The following LHFPL6 variants were observed in gnomAD, a reference collection of about 807,000 sequenced individuals.
LHFPL6 encodes the protein LHFPL tetraspan subfamily member 6 protein.
In LHFPL6, 9 loss-of-function variants were observed where a neutral mutation model predicts 20.6. The ratio of observed to expected loss-of-function variants is 0.44; its 90% CI spans 0.26 to 0.76. LHFPL6 has a LOEUF of 0.76. Ranked by LOEUF, LHFPL6 falls within the 30% of genes least tolerant of loss-of-function variation. The pLI is 0.20. For missense variants in LHFPL6, 218 were observed against 253.5 expected (o/e 0.86, Z 0.95); for synonymous variants, 105 against 98.7 (o/e 1.06, Z -0.38).
At chr13:39,460,374 G>T (rs1368820119) in intron 2 of LHFPL6, among the ~76,000 whole-genome samples, 1 of 152,104 alleles carries the variant, frequency 6.6e-6, no homozygotes, top group African/African-American at 2.4e-5. Context: ...CAAGAACCAT[G>T]GTGGAAATGG....
At chr13:39,598,854 G>A (rs1872847180) in intron 2 of LHFPL6, among the ~76,000 whole-genome samples, 1 of 152,034 alleles carries the variant, frequency 6.6e-6, no homozygotes, top group Non-Finnish European at 1.5e-5. Flanking sequence ...ACCGCACCCG[G>A]CCAGCTGCTA....
chr13:39,431,871 A>AT (rs911851934), intron 2 of LHFPL6, among the ~76,000 whole-genome samples: 3 of 149,346 alleles, frequency 2.0e-5, no homozygotes, highest in South Asian at 2.1e-4. Flanking sequence ...AATCCCTCCC[A>AT]TTTTTTTTTC....
chr13:39,444,789 T>C (rs1285104844), intron 2 of LHFPL6, among the ~76,000 whole-genome samples: 2 of 152,206 alleles, frequency 1.3e-5, no homozygotes, highest in Non-Finnish European at 2.9e-5. Context: ...CAAAGACTTG[T>C]CACAGGGGTG....
intron 2 of LHFPL6, among the ~76,000 whole-genome samples, chr13:39,424,339 C>T (rs915680074): frequency 6.6e-6 from 1 of 151,782 alleles, no homozygotes; most frequent in Non-Finnish European, 1.5e-5. Flanking sequence ...AAAGGAATCA[C>T]ACAATAAAGG....
rs537824234 is a variant in LHFPL6, at chr13:39,491,198, T to C, written c.385+109634A>G. Among the ~76,000 whole-genome samples, 424 of 152,198 alleles carry C rather than the reference T, an allele frequency of 2.8e-3. 1 individual carries two copies. Among genetic ancestry groups the C allele is most frequent in the African/African-American group, 9.8e-3 (405 of 41,522 alleles). On this transcript the variant is annotated intron_variant, in intron 2 of 3. Transcript: ENST00000379589. ...CATAAGGTTTACAAATTTGGAGCCA[T>C]TTACAAGGAGGAGGAAGGGGTAACT...
Position 39,389,076 on chromosome 13 carries a change from T to A in LHFPL6, c.386-10550A>T, listed in dbSNP as rs545390121. Among the ~76,000 whole-genome samples the A allele has an allele frequency of 2.0e-5, 3 of 152,304 alleles. No homozygotes were observed. In the South Asian group the frequency reaches 6.2e-4, roughly 32 times the overall value. Reference sequence around the variant, plus strand: ...TGGAGAAGAGACTCCTGCAATACACTATCTCCTGCAAAAACTGGAGCAGAT... The same window carrying A: ...TGGAGAAGAGACTCCTGCAATACACAATCTCCTGCAAAAACTGGAGCAGAT... On this transcript the variant is annotated intron_variant, in intron 2 of 3. Transcript: ENST00000379589.
intron 2 of LHFPL6, among the ~76,000 whole-genome samples, chr13:39,440,568 T>C (rs1278465499): frequency 2.6e-5 from 4 of 152,164 alleles, no homozygotes; most frequent in Non-Finnish European, 4.4e-5. Context: ...GATAGGCCCT[T>C]TCTTGGAGCT....
chr13:39,523,606 A>G (rs996570498), intron 2 of LHFPL6, among the ~76,000 whole-genome samples: 2 of 151,582 alleles, frequency 1.3e-5, no homozygotes, highest in Admixed American at 6.6e-5. Flanking sequence ...ATGAAGACCC[A>G]GGTCATAAGA....
At chr13:39,464,468 G>A (rs1337600472) in intron 2 of LHFPL6, among the ~76,000 whole-genome samples, 1 of 152,124 alleles carries the variant, frequency 6.6e-6, no homozygotes, top group Non-Finnish European at 1.5e-5. Flanking sequence ...AGACAATTAA[G>A]ATGGAATTTG....
intron 2 of LHFPL6, among the ~76,000 whole-genome samples, chr13:39,475,531 C>T (rs1314897921): frequency 2.0e-5 from 3 of 152,004 alleles, no homozygotes; most frequent in African/African-American, 7.2e-5. Flanking sequence ...ATTTAACATG[C>T]CCACCAAAAT....
At chr13:39,455,512 A>G (rs980107172) in intron 2 of LHFPL6, among the ~76,000 whole-genome samples, 5 of 152,222 alleles carry the variant, frequency 3.3e-5, no homozygotes, top group African/African-American at 1.2e-4. Flanking sequence ...GTCAAAAATA[A>G]TGACCTTTAT....
intron 2 of LHFPL6, among the ~76,000 whole-genome samples, chr13:39,404,745 C>T (rs1349561275): frequency 6.6e-6 from 1 of 152,146 alleles, no homozygotes; most frequent in Non-Finnish European, 1.5e-5. Context: ...TTATCCTTAG[C>T]TATGCCATCT....
intron 2 of LHFPL6, among the ~76,000 whole-genome samples, chr13:39,516,427 G>A (rs992727428): frequency 4.6e-5 from 7 of 152,222 alleles, no homozygotes; most frequent in Non-Finnish European, 7.3e-5. Flanking sequence ...CAAATCCCTC[G>A]AGAGCTGCAT....
At chr13:39,533,611 G>A (rs1224067042) in intron 2 of LHFPL6, among the ~76,000 whole-genome samples, 1 of 152,092 alleles carries the variant, frequency 6.6e-6, no homozygotes, top group Non-Finnish European at 1.5e-5. Flanking sequence ...CCACATCTCT[G>A]GCAAACATAT....
chr13:39,352,479 T>C (rs1869593673), intron 3 of LHFPL6, among the ~76,000 whole-genome samples: 1 of 152,218 alleles, frequency 6.6e-6, no homozygotes, highest in Non-Finnish European at 1.5e-5. Flanking sequence ...GGGCAGTTCC[T>C]GCCCTCTGAC....
chr13:39,416,211 T>C (rs76923939), intron 2 of LHFPL6, among the ~76,000 whole-genome samples: 4,068 of 152,282 alleles, frequency 0.027, 181 homozygotes, highest in African/African-American at 0.091. Context: ...TCAGGTTCTA[T>C]TGACTCAATG....
At chr13:39,346,912 T>G (rs1201987301) in intron 3 of LHFPL6, among the ~76,000 whole-genome samples, 1 of 151,786 alleles carries the variant, frequency 6.6e-6, no homozygotes, top group Non-Finnish European at 1.5e-5. Flanking sequence ...CTCCACATCT[T>G]AAAAGTTCTT....
intron 2 of LHFPL6, among the ~76,000 whole-genome samples, chr13:39,443,003 T>C (rs1872182303): frequency 1.3e-5 from 2 of 152,178 alleles, no homozygotes; most frequent in Admixed American, 6.5e-5. Context: ...GTCCCTGCTG[T>C]GGCTTCAATG....
At chr13:39,595,125 A>C (rs889690251) in intron 2 of LHFPL6, among the ~76,000 whole-genome samples, 1 of 152,124 alleles carries the variant, frequency 6.6e-6, no homozygotes, top group Admixed American at 6.5e-5. Context: ...AATAAAATAA[A>C]TAAATAAATA....
Sources: gnomAD v4.1 joint callset for allele counts (sites outside exome capture counted in the v4.1 genomes callset) on GRCh38, gnomAD v4.1.1 for gene constraint, MANE v1.5 for transcripts, NCBI Gene and HGNC (gene_info 2026-07-23, HGNC 2026-07-21) for gene names.